Variants in ROBO1 observed in about 807,000 individuals in gnomAD.
The protein encoded by ROBO1 is roundabout homolog 1.
ROBO1 carries 149 observed loss-of-function variants against 195.9 expected under a neutral mutation model. The ratio of observed to expected loss-of-function variants is 0.76; its 90% CI spans 0.67 to 0.87. The LOEUF is 0.87. Among genes scored for constraint, ROBO1 ranks in the 40% least tolerant of loss-of-function variants. ROBO1 has a pLI of 0.00. For missense variants in ROBO1, 1,933 were observed against 2,068.3 expected (o/e 0.93, Z 1.27); for synonymous variants, 816 against 733.2 (o/e 1.11, Z -1.82).
intron 3 of ROBO1, among the ~76,000 whole-genome samples, chr3:79,076,768 A>G (rs2079181136): frequency 6.6e-6 from 1 of 151,872 alleles, no homozygotes; most frequent in East Asian, 1.9e-4. Flanking sequence ...CAAATAAGAG[A>G]CAGTGATTCC....
chr3:79,291,792 T>C (rs940840052), intron 2 of ROBO1, among the ~76,000 whole-genome samples: 6 of 152,172 alleles, frequency 3.9e-5, no homozygotes, highest in Non-Finnish European at 8.8e-5. Flanking sequence ...CTCCATATGA[T>C]ACATACTCCT....
intron 3 of ROBO1, among the ~76,000 whole-genome samples, chr3:79,094,301 G>A (rs117849234): frequency 6.6e-6 from 1 of 152,102 alleles, no homozygotes; most frequent in Admixed American, 6.6e-5. Context: ...ATAAGGTAAG[G>A]AAGATAGAAG....
chr3:79,754,804 C>A (rs141410616), intron 1 of ROBO1, among the ~76,000 whole-genome samples: 3 of 152,148 alleles, frequency 2.0e-5, no homozygotes, highest in Non-Finnish European at 4.4e-5. Flanking sequence ...CTGGACAAAG[C>A]GCAAACAATT....
chr3:79,193,901 C>T (rs1488304317), intron 2 of ROBO1, among the ~76,000 whole-genome samples: 1 of 151,344 alleles, frequency 6.6e-6, no homozygotes, highest in Non-Finnish European at 1.5e-5. Flanking sequence ...GAGAAAAGAG[C>T]TTCAAAAGAG....
intron 1 of ROBO1, among the ~76,000 whole-genome samples, chr3:79,671,091 A>T (rs112189166): frequency 1.3e-5 from 2 of 151,884 alleles, no homozygotes; most frequent in African/African-American, 4.8e-5. Context: ...GAATTAAAAT[A>T]GTCAACATAT....
At chr3:79,728,900 T>C (rs1241602086) in intron 1 of ROBO1, among the ~76,000 whole-genome samples, 3 of 152,156 alleles carry the variant, frequency 2.0e-5, no homozygotes, top group Non-Finnish European at 4.4e-5. Context: ...TCATAGACTA[T>C]ATAAAGAATA....
chr3:79,438,603 A>T (rs1439550666), intron 2 of ROBO1, among the ~76,000 whole-genome samples: 1 of 152,008 alleles, frequency 6.6e-6, no homozygotes, highest in Non-Finnish European at 1.5e-5. Flanking sequence ...GTTCTTAAGT[A>T]CCCTCATAGA....
chr3:78,683,546 G>T (rs2080981226), intron 10 of ROBO1, among the ~76,000 whole-genome samples: 1 of 151,924 alleles, frequency 6.6e-6, no homozygotes, highest in African/African-American at 2.4e-5. Context: ...ACACATATGG[G>T]CCGGGCGTGG....
At chr3:79,032,026 A>G (rs993443346) in intron 3 of ROBO1, among the ~76,000 whole-genome samples, 2 of 152,110 alleles carry the variant, frequency 1.3e-5, no homozygotes, top group African/African-American at 4.8e-5. Context: ...CAAAAAAATG[A>G]AAAGGACATA....
chr3:79,175,713 T>TCATATTTGGCCATGTGA (rs1435004498), intron 2 of ROBO1, among the ~76,000 whole-genome samples: 2 of 152,154 alleles, frequency 1.3e-5, no homozygotes, highest in Non-Finnish European at 2.9e-5. Context: ...GACACACACT[T>TCATATTTGGCCATGTGA]CATATTTGGC....
At chr3:79,736,371 T>C (rs900220145) in intron 1 of ROBO1, among the ~76,000 whole-genome samples, 1 of 152,198 alleles carries the variant, frequency 6.6e-6, no homozygotes, top group East Asian at 1.9e-4. Context: ...TGCATCTTAA[T>C]TGCAAAGGTT....
chr3:79,395,321 C>CAAAAAAA (rs71631647), intron 2 of ROBO1, among the ~76,000 whole-genome samples: 2 of 50,144 alleles, frequency 4.0e-5, no homozygotes, highest in African/African-American at 1.1e-4. Flanking sequence ...GACTCCGTCT[C>CAAAAAAA]AAAAAAAAAA....
At chr3:79,746,367 T>G (rs149003467) in intron 1 of ROBO1, among the ~76,000 whole-genome samples, 44 of 152,208 alleles carry the variant, frequency 2.9e-4, no homozygotes, top group African/African-American at 9.6e-4. Context: ...ATAGCTGACT[T>G]GTGATACAAG....
intron 1 of ROBO1, among the ~76,000 whole-genome samples, chr3:79,688,149 C>G (rs1404901439): frequency 7.1e-6 from 1 of 141,484 alleles, no homozygotes; most frequent in Non-Finnish European, 1.5e-5. Flanking sequence ...TGTTCTCACT[C>G]ATAGGTGGGA....
chr3:79,568,772 C>T (rs1553766388), intron 2 of ROBO1, among the ~76,000 whole-genome samples: 1 of 151,760 alleles, frequency 6.6e-6, no homozygotes, highest in Non-Finnish European at 1.5e-5. Flanking sequence ...AAGGCAAACC[C>T]CAAACAGTCC....
intron 4 of ROBO1, among the ~76,000 whole-genome samples, chr3:78,755,504 A>G (rs533989149): frequency 3.0e-4 from 45 of 152,290 alleles, no homozygotes; most frequent in African/African-American, 1.1e-3. Context: ...AAGGAAGTAT[A>G]GAGACCAATT....
chr3:78,919,904 C>G (rs1016836778), intron 4 of ROBO1, among the ~76,000 whole-genome samples: 1 of 152,116 alleles, frequency 6.6e-6, no homozygotes, highest in Non-Finnish European at 1.5e-5. Flanking sequence ...ATATCAAAGC[C>G]ACAGCTTAAT....
chr3:78,984,874 T>G (rs1375907402), intron 3 of ROBO1, among the ~76,000 whole-genome samples: 1 of 152,184 alleles, frequency 6.6e-6, no homozygotes, highest in Non-Finnish European at 1.5e-5. Context: ...GTGGGTCCAC[T>G]TATACGTGAA....
chr3:79,550,252 CTTAAAG>C (rs937399007), intron 2 of ROBO1, among the ~76,000 whole-genome samples: 2 of 141,272 alleles, frequency 1.4e-5, no homozygotes, highest in Admixed American at 6.9e-5. Context: ...AAAAGGGGAT[CTTAAAG>C]TTAAGGATAT....
Sources: allele counts gnomAD v4.1 joint callset (sites outside exome capture counted in the v4.1 genomes callset), GRCh38; gene constraint gnomAD v4.1.1; transcripts MANE v1.5; gene names NCBI Gene and HGNC (gene_info 2026-07-23, HGNC 2026-07-21).